Variants in ITPR1 observed in about 807,000 individuals in gnomAD.
The protein encoded by ITPR1 is inositol 1,4,5-trisphosphate receptor type 1.
A neutral mutation model predicts 318.4 loss-of-function variants in ITPR1; 96 were observed. The observed-to-expected ratio is 0.30, with a 90% confidence interval of 0.26 to 0.36. ITPR1 has a LOEUF of 0.36. ITPR1 is among the 10% of genes least tolerant of loss of function. The pLI is 1.00. For synonymous variants in ITPR1, 1,312 were observed against 1,289.9 expected (o/e 1.02, Z -0.37); for missense variants, 2,440 against 3,460.2 (o/e 0.71, Z 7.40).
At position 4,794,836 on chromosome 3, in the gene ITPR1, A is replaced by G. The variant is rs749441663; in HGVS notation, c.6809-229A>G. ...ACTTTTCTCTTTTTGCTCTCTCCTT[A>G]CTCCACCCCCAATACATCTTCTGTT... On this transcript the variant is annotated intron_variant, in intron 52 of 61. Coordinates refer to ENST00000649015, the MANE Select transcript of ITPR1 (RefSeq NM_001378452.1). Among the ~76,000 whole-genome samples, 29 of 151,710 alleles carry G rather than the reference A, an allele frequency of 1.9e-4. No individual in the cohort carries two copies. The highest frequency in any genetic ancestry group is 3.4e-4 in the Non-Finnish European group (23 of 67,960).
At chr3:4,512,636 G>T (rs1168140310) in intron 2 of ITPR1, among the ~76,000 whole-genome samples, 1 of 151,998 alleles carries the variant, frequency 6.6e-6, no homozygotes, top group African/African-American at 2.4e-5. Context: ...TGATGCCCTG[G>T]AATCTTTCAG....
At chr3:4,699,739 G>A in intron 34 of ITPR1, 74 bp from the exon 35 acceptor site, 2 of 1,487,030 alleles carry the variant, frequency 1.3e-6, no homozygotes, top group Non-Finnish European at 9.3e-7. Flanking sequence ...GTAACCCACA[G>A]GAGGGAGTCG....
intron 20 of ITPR1, among the ~76,000 whole-genome samples, chr3:4,671,350 A>C (rs3792488): frequency 0.68 from 103,926 of 152,038 alleles, 35,918 homozygotes; most frequent in African/African-American, 0.72. Flanking sequence ...ATAGACAGAG[A>C]CAGAAGATGT....
chr3:4,583,690 G>C (rs750478810), intron 4 of ITPR1, among the ~76,000 whole-genome samples: 1 of 152,084 alleles, frequency 6.6e-6, no homozygotes, highest in Non-Finnish European at 1.5e-5. Context: ...TCCTGGAAAG[G>C]GCTGTTTCAC....
At chr3:4,814,691 C>A in intron 58 of ITPR1, 129 bp downstream of exon 58, 1 of 806,694 alleles carries the variant, frequency 1.2e-6, no homozygotes, top group Non-Finnish European at 2.0e-6. Context: ...TGAGTAGCTG[C>A]GGAACTAGCT....
intron 4 of ITPR1, among the ~76,000 whole-genome samples, chr3:4,546,523 C>T (rs924444393): frequency 2.6e-5 from 4 of 152,146 alleles, no homozygotes; most frequent in East Asian, 1.9e-4. Flanking sequence ...AGACAGAGCT[C>T]GTGCACCGTT....
At chr3:4,566,439 T>G in intron 4 of ITPR1, among the ~76,000 whole-genome samples, 1 of 152,148 alleles carries the variant, frequency 6.6e-6, no homozygotes, top group Admixed American at 6.5e-5. Flanking sequence ...AATCAGCTCC[T>G]GGAACCTCAG....
intron 4 of ITPR1, among the ~76,000 whole-genome samples, chr3:4,623,230 C>T (rs2092705450): frequency 6.6e-6 from 1 of 152,212 alleles, no homozygotes; most frequent in African/African-American, 2.4e-5. Flanking sequence ...CTCCAGCATG[C>T]CCTTGATACA....
intron 60 of ITPR1, chr3:4,830,876 A>G (rs1051292166): frequency 2.2e-6 from 1 of 454,276 alleles, no homozygotes; most frequent in Non-Finnish European, 4.4e-6. Flanking sequence ...TCAACGCCTC[A>G]TTCTCTGATT....
intron 54 of ITPR1, among the ~76,000 whole-genome samples, chr3:4,804,071 C>T (rs564762036): frequency 8.4e-4 from 128 of 152,112 alleles, no homozygotes; most frequent in Non-Finnish European, 1.6e-3. Context: ...GAGGTTTCAC[C>T]GTGTTGCCCA....
At chr3:4,649,116 T>C (rs2093534046) in intron 10 of ITPR1, among the ~76,000 whole-genome samples, 1 of 152,184 alleles carries the variant, frequency 6.6e-6, no homozygotes, top group South Asian at 2.1e-4. Flanking sequence ...TTTCTCATCT[T>C]TCAGAGTTAG....
chr3:4,826,085 T>C lies in ITPR1; in HGVS notation c.8028+7843T>C, dbSNP rs1281953286. Reference sequence around the variant, plus strand: ...GTGCACTTAACCCTGGTCTGACCTTTCTGCCCGCCTGTGCACCTCCTCTGT... The same window carrying C: ...GTGCACTTAACCCTGGTCTGACCTTCCTGCCCGCCTGTGCACCTCCTCTGT... On this transcript the variant is annotated intron_variant, in intron 60 of 61. Transcript: ENST00000649015. This position sits in a 1 kb window ranked among gnomAD's most constrained non-coding sequence, Gnocchi z 4.2. Among the ~76,000 whole-genome samples, 1 of 152,218 alleles carries C rather than the reference T, an allele frequency of 6.6e-6. No individual in the cohort carries two copies. Among genetic ancestry groups the C allele is most frequent in the Non-Finnish European group, 1.5e-5 (1 of 68,024 alleles).
In ITPR1 at chr3:4,768,829, T is replaced by G. The variant is rs1476417652; in HGVS notation, c.5979+65T>G. ...AAGGCTGCCAAGGCCTGCCTTCCTC[T>G]GATGGTTCAGCACCTCTCACTTGGG... On this transcript the variant is annotated intron_variant, in intron 46 of 61. Coordinates refer to ENST00000649015, the MANE Select transcript of ITPR1 (RefSeq NM_001378452.1). 2.6e-6 allele frequency: 4 copies of G among 1,513,622 alleles called. No individual in the cohort carries two copies. The African/African-American group carries it at 5.5e-5, about 21-fold the overall frequency. The allele number at this position is 1,513,622 out of a possible 1,614,324, so 93.8% of individuals were successfully genotyped here.
In ITPR1 at chr3:4,653,423, A is replaced by G. The variant is rs535452517; in HGVS notation, c.952-419A>G. On this transcript the variant is annotated intron_variant, in intron 11 of 61. Coordinates refer to ENST00000649015, the MANE Select transcript of ITPR1 (RefSeq NM_001378452.1). Reference sequence around the variant, plus strand: ...AGACCCAGCTAATCAGCTGTGAGAGATGATTTATGTGGTTTCCTGAAGACT... The same window carrying G: ...AGACCCAGCTAATCAGCTGTGAGAGGTGATTTATGTGGTTTCCTGAAGACT... Among the ~76,000 whole-genome samples the G allele has an allele frequency of 5.9e-5, 9 of 152,342 alleles. 1 individual carries two copies. The South Asian group carries it at 1.9e-3, about 32-fold the overall frequency.
chr3:4,543,276 G>C (rs304005), intron 4 of ITPR1, among the ~76,000 whole-genome samples: 29,124 of 150,912 alleles, frequency 0.19, 4,769 homozygotes, highest in African/African-American at 0.43. Flanking sequence ...AAAAAAAAGA[G>C]AAAAAAAAGA....
At chr3:4,648,224 C>T (rs746536906) in intron 10 of ITPR1, among the ~76,000 whole-genome samples, 17 of 152,078 alleles carry the variant, frequency 1.1e-4, no homozygotes, top group Non-Finnish European at 2.2e-4. Flanking sequence ...AAAAAGGAAT[C>T]TATATAAAGT....
At position 4,714,853 on chromosome 3, in the gene ITPR1, A is replaced by G. The variant is rs544344444; in HGVS notation, c.5104-2514A>G. 2.0e-5 allele frequency among the ~76,000 whole-genome samples: 3 copies of G among 152,372 alleles called. No individual in the cohort carries two copies. In the East Asian group the frequency reaches 5.8e-4, roughly 29 times the overall value. On this transcript the variant is annotated intron_variant, in intron 39 of 61. Coordinates refer to ENST00000649015, the MANE Select transcript of ITPR1 (RefSeq NM_001378452.1). ...CTCCCTGCCTTGGGGAAGAAAGGCC[A>G]TGAAGAACTGTCACCCATATTACCA...
In ITPR1 at chr3:4,789,612, T is replaced by A. The variant is rs867789011; in HGVS notation, c.6808+1473T>A. Among the ~76,000 whole-genome samples the A allele has an allele frequency of 2.6e-5, 4 of 151,784 alleles. No individual in the cohort carries two copies. The Middle Eastern group carries it at 0.01, about 387-fold the overall frequency. On this transcript the variant is annotated intron_variant, in intron 52 of 61. Coordinates refer to ENST00000649015, the MANE Select transcript of ITPR1 (RefSeq NM_001378452.1). ...TCCTGAGGTGTTTTGTTTTTGTTTT[T>A]GTTTTTGTTTTTGTTTTTGTTTTTT...
Position 4,710,369 on chromosome 3 carries a change from G to A in ITPR1, c.4887G>A (p.Gln1629=). ...AGGACCGTCTCAGGCCCCTGGTGCA[G>A]GCAGAGTTATCTGTGCTCGTGGATG... ...ALEDRLRPLV[Q]AELSVLVDVL... The change falls in exon 38 of 62, where the codon CAG becomes CAA. Residue 1629 remains glutamine (Q), a synonymous_variant. Transcript: ENST00000649015. This position sits in a 1 kb window ranked among gnomAD's most constrained non-coding sequence, Gnocchi z 4.2. 2 of 1,568,834 alleles carry A rather than the reference G, an allele frequency of 1.3e-6. No individual in the cohort carries two copies. Among genetic ancestry groups the A allele is most frequent in the South Asian group, 2.3e-5 (2 of 85,122 alleles).
Sources: gnomAD v4.1 joint callset for allele counts (sites outside exome capture counted in the v4.1 genomes callset) on GRCh38, gnomAD v4.1.1 for gene constraint, Gnocchi (gnomAD v3.1) non-coding constraint, MANE v1.5 for transcripts, NCBI Gene and HGNC (gene_info 2026-07-23, HGNC 2026-07-21) for gene names.